ATP11A: variants seen among roughly 807,000 people sequenced by gnomAD.
The protein encoded by ATP11A is ATPase phospholipid transporting 11A.
ATP11A carries 81 observed loss-of-function variants against 154.4 expected under a neutral mutation model. The observed-to-expected ratio is 0.52, with a 90% CI of 0.44 to 0.63. ATP11A has a LOEUF of 0.63. ATP11A is among the 30% of genes least tolerant of loss of function. The probability of loss-of-function intolerance (pLI) is 0.00; values close to 1 mark genes in which losing one functional copy is unlikely to be tolerated. For synonymous variants in ATP11A, 623 were observed against 585.9 expected (o/e 1.06, Z -0.91); for missense variants, 1,316 against 1,474.3 (o/e 0.89, Z 1.76).
chr13:112,832,769 C>T (rs2079130557), intron 13 of ATP11A, 91 bp from the exon 14 acceptor site: 4 of 1,498,710 alleles, frequency 2.7e-6, no homozygotes, highest in Non-Finnish European at 3.6e-6. Context: ...ACCCCCCCCA[C>T]CCCGCTTCTT....
intron 5 of ATP11A, among the ~76,000 whole-genome samples, chr13:112,812,441 G>A (rs1000387429): frequency 3.3e-5 from 5 of 152,204 alleles, no homozygotes; most frequent in Non-Finnish European, 7.3e-5. Context: ...GGTGAGGGAG[G>A]CAGGGAGCAC....
At chr13:112,776,397 T>G (rs2077350205) in intron 1 of ATP11A, among the ~76,000 whole-genome samples, 1 of 152,104 alleles carries the variant, frequency 6.6e-6, no homozygotes, top group Non-Finnish European at 1.5e-5. Flanking sequence ...CGGGGAAATG[T>G]GGGGAGGGTC....
At chr13:112,802,211 T>G (rs1421814749) in intron 2 of ATP11A, among the ~76,000 whole-genome samples, 1 of 151,854 alleles carries the variant, frequency 6.6e-6, no homozygotes, top group East Asian at 1.9e-4. Context: ...CCGGGCGTGG[T>G]GGTGGGCGCC....
intron 8 of ATP11A, among the ~76,000 whole-genome samples, chr13:112,820,248 C>T (rs1029435245): frequency 1.1e-4 from 17 of 152,198 alleles, no homozygotes; most frequent in African/African-American, 3.4e-4. Context: ...AAGTGAAGGG[C>T]GGAGTACAGC....
At position 112,838,976 on chromosome 13, in the gene ATP11A, C is replaced by T. The variant is rs531187389; in HGVS notation, c.1705+2725C>T. On this transcript the variant is annotated intron_variant, in intron 16 of 29. Transcript: ENST00000375645. The surrounding 1 kb of genome is among the most constrained non-coding windows in gnomAD (Gnocchi z 7.3). ...CTGGGCTCAGCCCTGTAGGGGGTTGCGGCTGTCAGAGCCGGATCTCACTGT... is the reference window on the plus strand; with the variant it reads ...CTGGGCTCAGCCCTGTAGGGGGTTGTGGCTGTCAGAGCCGGATCTCACTGT... 2.6e-5 allele frequency among the ~76,000 whole-genome samples: 4 copies of T among 152,308 alleles called. No individual in the cohort carries two copies. Among genetic ancestry groups the T allele is most frequent in the East Asian group, 3.9e-4 (2 of 5,148 alleles).
chr13:112,873,274 G>T (rs1229987571), intron 26 of ATP11A, among the ~76,000 whole-genome samples: 6 of 148,614 alleles, frequency 4.0e-5, no homozygotes, highest in African/African-American at 1.5e-4. Flanking sequence ...TTGTCTTCCT[G>T]AGCGGTGTGA....
At chr13:112,702,434 T>C (rs995384115) in intron 1 of ATP11A, among the ~76,000 whole-genome samples, 35 of 151,136 alleles carry the variant, frequency 2.3e-4, no homozygotes, top group African/African-American at 8.0e-4. Context: ...CGTGTTCCAG[T>C]GGGAAGCAGA....
At chr13:112,772,827 C>G (rs578075236) in intron 1 of ATP11A, among the ~76,000 whole-genome samples, 31 of 152,278 alleles carry the variant, frequency 2.0e-4, no homozygotes, top group Non-Finnish European at 3.7e-4. Flanking sequence ...GCGTCCTCTC[C>G]TGGGCTTGTT....
At chr13:112,801,657 T>G (rs918739160) in intron 2 of ATP11A, among the ~76,000 whole-genome samples, 2 of 152,218 alleles carry the variant, frequency 1.3e-5, no homozygotes, top group African/African-American at 4.8e-5. Context: ...AGTTGGAATT[T>G]GAAATTGAAA....
intron 1 of ATP11A, among the ~76,000 whole-genome samples, chr13:112,720,410 G>A (rs578082264): frequency 1.3e-5 from 2 of 152,348 alleles, no homozygotes; most frequent in East Asian, 3.9e-4. Flanking sequence ...GGAAACCCAC[G>A]CCCGACGCGC....
intron 10 of ATP11A, 93 bp from the exon 11 acceptor site, chr13:112,825,337 T>G: frequency 7.1e-7 from 1 of 1,408,546 alleles, no homozygotes; most frequent in East Asian, 2.4e-5. Flanking sequence ...CCTATTCTGT[T>G]TCTTCACGAG....
At chr13:112,745,458 ATTCT>A (rs1282315856) in intron 1 of ATP11A, 1 of 152,282 alleles carries the variant, frequency 6.6e-6, no homozygotes, top group Non-Finnish European at 1.5e-5. Context: ...ATAATCATTC[ATTCT>A]TTTATTCAGT....
intron 1 of ATP11A, among the ~76,000 whole-genome samples, chr13:112,781,546 ACGCGTGG>A (rs2077499447): frequency 2.0e-5 from 3 of 152,064 alleles, no homozygotes; most frequent in Non-Finnish European, 4.4e-5. Context: ...CATTTGACGG[ACGCGTGG>A]TGTGAGGCAG....
intron 1 of ATP11A, chr13:112,745,944 C>G (rs1892080471): frequency 6.6e-6 from 1 of 152,210 alleles, no homozygotes; most frequent in African/African-American, 2.4e-5. Flanking sequence ...CCCCCAGGCC[C>G]TGGTGACCAC....
intron 23 of ATP11A, 125 bp from the exon 24 acceptor site, chr13:112,860,162 G>C (rs887005949): frequency 1.8e-6 from 2 of 1,103,312 alleles, no homozygotes; most frequent in African/African-American, 1.6e-5. Context: ...AGTTTATATT[G>C]TTAAGCTTTG....
At chr13:112,850,317 A>G (rs1308862569) in intron 17 of ATP11A, among the ~76,000 whole-genome samples, 1 of 152,324 alleles carries the variant, frequency 6.6e-6, no homozygotes, top group East Asian at 1.9e-4. Flanking sequence ...CTAGATGATC[A>G]GGTGTGAACC....
At position 112,753,394 on chromosome 13, in the gene ATP11A, G is replaced by A. The variant is rs899642392; in HGVS notation, c.40-31741G>A. On this transcript the variant is annotated intron_variant, in intron 1 of 29. Transcript: ENST00000375645. The surrounding 1 kb of genome is among the most constrained non-coding windows in gnomAD (Gnocchi z 4.1). ...TTTCTGAGAAGGGGGGTACGTTTGC[G>A]GTTTGCTCTGTCAGTGCCGTAGGAG... Among the ~76,000 whole-genome samples the A allele has an allele frequency of 2.6e-5, 4 of 152,186 alleles. No homozygotes were observed. The highest frequency in any genetic ancestry group is 4.8e-5 in the African/African-American group (2 of 41,456).
chr13:112,796,211 C>A (rs2077995029), intron 2 of ATP11A, among the ~76,000 whole-genome samples: 1 of 152,180 alleles, frequency 6.6e-6, no homozygotes, highest in Non-Finnish European at 1.5e-5. Context: ...AGAGCTCTTG[C>A]CTTTTGGTTC....
At chr13:112,693,679 C>T (rs1467220535) in intron 1 of ATP11A, among the ~76,000 whole-genome samples, 3 of 152,000 alleles carry the variant, frequency 2.0e-5, no homozygotes, top group South Asian at 4.1e-4. Context: ...AGGCCAGGCG[C>T]GGTGGCTCAT....
Sources: allele counts gnomAD v4.1 joint callset (sites outside exome capture counted in the v4.1 genomes callset), GRCh38; gene constraint gnomAD v4.1.1; non-coding constraint Gnocchi (gnomAD v3.1); transcripts MANE v1.5; gene names NCBI Gene and HGNC (gene_info 2026-07-23, HGNC 2026-07-21).